The following USP38 variants were observed in gnomAD, a reference collection of about 807,000 sequenced individuals.
The protein encoded by USP38 is ubiquitin carboxyl-terminal hydrolase 38.
In USP38, 49 loss-of-function variants were observed where a neutral mutation model predicts 94.3. The observed-to-expected ratio is 0.52, with a 90% confidence interval of 0.41 to 0.66. USP38 has a LOEUF of 0.66. Among genes scored for constraint, USP38 ranks in the 30% least tolerant of loss-of-function variants. The pLI is 0.00. For synonymous variants in USP38, 468 were observed against 463.6 expected (o/e 1.01, Z -0.12); for missense variants, 1,128 against 1,229.4 (o/e 0.92, Z 1.23).
At chr4:143,215,578 GTAT>G (rs1732162613) in intron 9 of USP38, 1 of 151,640 alleles carries the variant, frequency 6.6e-6, no homozygotes, top group African/African-American at 2.4e-5. Context: ...CTTGCTGAAA[GTAT>G]TTTTTTTTTG....
Position 143,214,649 on chromosome 4 carries a change from A to G in USP38, c.2673A>G (p.Leu891=). 6.2e-7 allele frequency: 1 copy of G among 1,613,668 alleles called. No individual in the cohort carries two copies. Among genetic ancestry groups the G allele is most frequent in the Non-Finnish European group, 8.5e-7 (1 of 1,179,784 alleles). The change falls in exon 9 of 10, where the codon CTA becomes CTG. Residue 891 remains leucine (L), a synonymous_variant. Transcript: ENST00000307017. ...TAGCATCCTCCCAGAGTCATTTACT[A>G]GGGAGAGATAGTCCCAGTGCAGTTT... ...LALASSQSHL[L]GRDSPSAVFE...
At chr4:143,219,622 A>G (rs1042796144) in intron 9 of USP38, among the ~76,000 whole-genome samples, 93 of 152,130 alleles carry the variant, frequency 6.1e-4, no homozygotes, top group African/African-American at 2.2e-3. Flanking sequence ...AGCACATGCC[A>G]GAATATTTTG....
At chr4:143,199,123 C>G (rs934775987) in intron 4 of USP38, among the ~76,000 whole-genome samples, 19 of 152,086 alleles carry the variant, frequency 1.2e-4, no homozygotes, top group Admixed American at 2.6e-4. Context: ...TTTTCTGCTC[C>G]TCTACCTCCT....
chr4:143,203,635 C>T, intron 5 of USP38, 69 bp downstream of exon 5: 4 of 1,459,056 alleles, frequency 2.7e-6, no homozygotes, highest in Non-Finnish European at 3.7e-6. Flanking sequence ...TTCTTATAAC[C>T]AGCTACTCAA....
At chr4:143,186,443 T>C (rs1026202031) in intron 1 of USP38, among the ~76,000 whole-genome samples, 6 of 152,222 alleles carry the variant, frequency 3.9e-5, no homozygotes, top group Non-Finnish European at 8.8e-5. Flanking sequence ...TGACAGCTAC[T>C]GCAGAAAGCT....
Position 143,185,977 on chromosome 4 carries a change from G to A in USP38, c.527G>A (p.Gly176Asp), listed in dbSNP as rs749548890. Residue 176 changes from glycine (G) to aspartate (D), a missense_variant, in exon 1 of 10, where the codon GGC (glycine) becomes GAC (aspartate). By Grantham distance (94) the Gly-to-Asp change is moderately conservative. Coordinates refer to ENST00000307017, the MANE Select transcript of USP38 (RefSeq NM_032557.6). ...TGTCAACAGCTGGTTCGAACGATAG[G>A]CCATTTCCAGTGCGTGTCCACCCAG... ...TFCQQLVRTI[G>D]HFQCVSTQER... 1 of 1,614,174 alleles carries A rather than the reference G, an allele frequency of 6.2e-7. No homozygotes were observed. Among genetic ancestry groups the A allele is most frequent in the Non-Finnish European group, 8.5e-7 (1 of 1,180,034 alleles).
At chr4:143,192,863 T>C (rs1222834898) in intron 2 of USP38, among the ~76,000 whole-genome samples, 1 of 152,048 alleles carries the variant, frequency 6.6e-6, no homozygotes, top group Non-Finnish European at 1.5e-5. Context: ...ATACATGAAA[T>C]AAGGTAAAGA....
intron 4 of USP38, among the ~76,000 whole-genome samples, chr4:143,200,247 C>A (rs1482702804): frequency 1.3e-5 from 2 of 151,924 alleles, no homozygotes; most frequent in African/African-American, 2.4e-5. Context: ...TTAGCATACA[C>A]AAATAAATCA....
chr4:143,220,338 C>T lies in USP38; in HGVS notation c.3011C>T (p.Ser1004Phe). The T allele has an allele frequency of 6.2e-7, 1 of 1,613,270 alleles. No individual in the cohort carries two copies. Among genetic ancestry groups the T allele is most frequent in the Non-Finnish European group, 8.5e-7 (1 of 1,179,546 alleles). ...CGAGCCCGGGCCCTCCAAGCTGCAT[C>T]TGCTTCATGTTCATTTCGGCCCAAT... ...NARARALQAA[S>F]ASCSFRPNGF... is the part of the protein sequence containing the mutation. Residue 1004 changes from serine to phenylalanine, a missense_variant, in exon 10 of 10, where the codon TCT becomes TTT. Ser to Phe is a radical substitution (Grantham distance 155). Transcript: ENST00000307017.
rs898633645 is a variant in USP38 at position 143,185,103 on chromosome 4, C to G, written c.-348C>G. On this transcript the variant is annotated 5_prime_UTR_variant, in exon 1 of 10. Coordinates refer to ENST00000307017, the MANE Select transcript of USP38 (RefSeq NM_032557.6). ...TTCCTCCACCCGCCGGCTAGCAGCC[C>G]CGGGCCCTGAGCTCCCGCCGACGCC... is the stretch of plus-strand genomic sequence containing the variant. 1 of 202,690 alleles carries G rather than the reference C, an allele frequency of 4.9e-6. No individual in the cohort carries two copies. The highest frequency in any genetic ancestry group is 9.8e-6 in the Non-Finnish European group (1 of 101,768). The allele number at this position is 202,690 out of a possible 1,614,324, so 12.6% of individuals were successfully genotyped here. A position where few individuals can be genotyped will look rare whatever the true frequency, so the allele number is the denominator to read the frequency against.
chr4:143,212,595 T>TC (rs1480291878), intron 8 of USP38, among the ~76,000 whole-genome samples, 171 bp downstream of exon 8: 1 of 151,908 alleles, frequency 6.6e-6, no homozygotes, highest in African/African-American at 2.4e-5. Context: ...TATTTTCCTT[T>TC]TTGAATTTTC....
chr4:143,207,666 AT>A (rs34751631), intron 6 of USP38, among the ~76,000 whole-genome samples: 105,277 of 147,980 alleles, frequency 0.71, 37,648 homozygotes, highest in East Asian at 0.83. Context: ...TGTATTTGGA[AT>A]TTTTTTTTTT....
chr4:143,197,756 A>G lies in USP38; in HGVS notation c.949-67A>G, dbSNP rs550047150. On this transcript the variant is annotated intron_variant, in intron 3 of 9. Coordinates refer to ENST00000307017, the MANE Select transcript of USP38 (RefSeq NM_032557.6). Reference sequence around the variant, plus strand: ...TATAAATAAATTCTAGCTCTAGGAAAATAACCACTGTTGGATTAATGATTT... The same window carrying G: ...TATAAATAAATTCTAGCTCTAGGAAGATAACCACTGTTGGATTAATGATTT... The G allele has an allele frequency of 6.3e-6, 7 of 1,113,536 alleles. No individual in the cohort carries two copies. In the East Asian group the frequency reaches 1.4e-4, roughly 23 times the overall value. The allele number at this position is 1,113,536 out of a possible 1,614,324, so 69.0% of individuals were successfully genotyped here.
chr4:143,188,632 T>C (rs1731301935), intron 2 of USP38, among the ~76,000 whole-genome samples: 1 of 152,126 alleles, frequency 6.6e-6, no homozygotes, highest in South Asian at 2.1e-4. Flanking sequence ...ATAATCTTAA[T>C]ATTATTTGCC....
intron 2 of USP38, among the ~76,000 whole-genome samples, chr4:143,194,200 G>A (rs997170446): frequency 1.3e-5 from 2 of 152,154 alleles, no homozygotes; most frequent in Admixed American, 6.5e-5. Flanking sequence ...TTTATTTATT[G>A]CCACATGTAT....
chr4:143,214,666 G>A lies in USP38; in HGVS notation c.2690G>A (p.Ser897Asn), dbSNP rs758007461. ...CATTTACTAGGGAGAGATAGTCCCAGTGCAGTTTTTGAACAGGATTTGGAA... is the reference window on the plus strand; with the variant it reads ...CATTTACTAGGGAGAGATAGTCCCAATGCAGTTTTTGAACAGGATTTGGAA... ...QSHLLGRDSP[S>N]AVFEQDLENK... Residue 897 changes from serine to asparagine, a missense_variant, in exon 9 of 10, where the codon AGT becomes AAT. Coordinates refer to ENST00000307017, the MANE Select transcript of USP38 (RefSeq NM_032557.6). The A allele has an allele frequency of 1.9e-6, 3 of 1,613,590 alleles. No individual in the cohort carries two copies. The highest frequency in any genetic ancestry group is 2.5e-6 in the Non-Finnish European group (3 of 1,179,810).
chr4:143,220,095 C>T (rs1732283815), intron 9 of USP38, among the ~76,000 whole-genome samples, 200 bp from the exon 10 acceptor site: 1 of 151,784 alleles, frequency 6.6e-6, no homozygotes, highest in Non-Finnish European at 1.5e-5. Flanking sequence ...GAATCTATTC[C>T]AGTATGTTTT....
chr4:143,223,800 AT>A lies in USP38; in HGVS notation c.*3350del, dbSNP rs1214112205. 6 of 152,062 alleles carry A rather than the reference AT, an allele frequency of 3.9e-5. No homozygotes were observed. The highest frequency in any genetic ancestry group is 7.2e-5 in the African/African-American group (3 of 41,436). 9.4% of individuals were successfully genotyped at this position (152,062 alleles called of 1,614,324 possible). ...AAAATACTGTACATTTATATATAGT[AT>A]TTTTTCTCATAAAAATGTGATAGTT... On this transcript the variant is annotated 3_prime_UTR_variant, in exon 10 of 10. Coordinates refer to ENST00000307017, the MANE Select transcript of USP38 (RefSeq NM_032557.6).
rs1408009580 is a variant in USP38, at chr4:143,221,780, A to G, written c.*1324A>G. The G allele has an allele frequency of 1.3e-5, 2 of 152,102 alleles. No homozygotes were observed. The highest frequency in any genetic ancestry group is 2.9e-5 in the Non-Finnish European group (2 of 67,976). 9.4% of individuals were successfully genotyped at this position (152,102 alleles called of 1,614,324 possible). A position where few individuals can be genotyped will look rare whatever the true frequency, so the allele number is the denominator to read the frequency against. Reference sequence around the variant, plus strand: ...ATTTTGAAAACACTTTAAGGAAACAATGTTCTTCGATGATTTGGGGTTTAT... The same window carrying G: ...ATTTTGAAAACACTTTAAGGAAACAGTGTTCTTCGATGATTTGGGGTTTAT... On this transcript the variant is annotated 3_prime_UTR_variant, in exon 10 of 10. Coordinates refer to ENST00000307017, the MANE Select transcript of USP38 (RefSeq NM_032557.6).
Sources: allele counts gnomAD v4.1 joint callset (sites outside exome capture counted in the v4.1 genomes callset), GRCh38; gene constraint gnomAD v4.1.1; transcripts MANE v1.5; gene names NCBI Gene and HGNC (gene_info 2026-07-23, HGNC 2026-07-21).